Variants in ARHGAP12 observed in about 807,000 individuals in gnomAD.
ARHGAP12 encodes Rho GTPase activating protein 12.
A neutral mutation model predicts 108.6 loss-of-function variants in ARHGAP12; 64 were observed. The ratio of observed to expected loss-of-function variants is 0.59; its 90% CI spans 0.48 to 0.73. The LOEUF (loss-of-function observed/expected upper bound fraction) is 0.73. Among genes scored for constraint, ARHGAP12 ranks in the 30% least tolerant of loss-of-function variants. The pLI, the probability that ARHGAP12 is intolerant of heterozygous loss-of-function variation, is 0.00. For missense variants in ARHGAP12, 940 were observed against 1,005.9 expected, an observed-to-expected ratio of 0.93 and a Z score of 0.89; for synonymous variants, 312 against 337.2, an observed-to-expected ratio of 0.93 and a Z score of 0.82.
intron 12 of ARHGAP12, among the ~76,000 whole-genome samples, chr10:31,819,706 CA>C (rs977000500): frequency 1.3e-5 from 2 of 152,104 alleles, no homozygotes; most frequent in Non-Finnish European, 2.9e-5. Context: ...CAGCTGGCAC[CA>C]ATACTAGCCA....
intron 5 of ARHGAP12, among the ~76,000 whole-genome samples, chr10:31,853,856 A>C (rs773037655): frequency 1.3e-5 from 2 of 152,232 alleles, no homozygotes; most frequent in Non-Finnish European, 2.9e-5. Flanking sequence ...TTCCATGAGT[A>C]CAAGAGCATA....
chr10:31,907,603 T>C (rs912600761), intron 3 of ARHGAP12, among the ~76,000 whole-genome samples: 8 of 145,154 alleles, frequency 5.5e-5, no homozygotes, highest in Admixed American at 1.4e-4. Context: ...CACTGTATTA[T>C]AGCCTAGGCA....
intron 6 of ARHGAP12, among the ~76,000 whole-genome samples, chr10:31,846,933 T>C (rs1836483839): frequency 6.7e-6 from 1 of 149,930 alleles, no homozygotes; most frequent in Admixed American, 6.6e-5. Context: ...GGAAATCTAT[T>C]GTCTCTCCAT....
intron 3 of ARHGAP12, among the ~76,000 whole-genome samples, chr10:31,892,895 A>G (rs529304736): frequency 6.2e-4 from 94 of 152,306 alleles, no homozygotes; most frequent in Non-Finnish European, 1.2e-3. Flanking sequence ...ATTATAACAA[A>G]CTGTCTCTCA....
In ARHGAP12 at chr10:31,808,866, T is replaced by C. The variant is rs1026423086; in HGVS notation, c.2264-115A>G. The C allele has an allele frequency of 2.9e-6, 4 of 1,380,668 alleles. No individual in the cohort carries two copies. In the African/African-American group the frequency reaches 5.8e-5, roughly 20 times the overall value. 85.5% of individuals were successfully genotyped at this position (1,380,668 alleles called of 1,614,324 possible). ...CACAGTGACATCTGGTGGTCACATT[T>C]AAAATGTTTGGAGTAAAACAATCTG... On this transcript the variant is annotated intron_variant, in intron 18 of 19. Coordinates refer to ENST00000344936, the MANE Select transcript of ARHGAP12 (RefSeq NM_018287.7).
chr10:31,893,135 A>G (rs1340466253), intron 3 of ARHGAP12, among the ~76,000 whole-genome samples: 1 of 152,244 alleles, frequency 6.6e-6, no homozygotes, highest in Non-Finnish European at 1.5e-5. Context: ...CTAAATGCCC[A>G]CAAGAGAAAG....
intron 13 of ARHGAP12, among the ~76,000 whole-genome samples, chr10:31,816,243 G>C (rs1057472421): frequency 5.3e-5 from 8 of 149,654 alleles, no homozygotes; most frequent in Non-Finnish European, 1.0e-4. Flanking sequence ...CTTATTCCCT[G>C]AGCCTGTAGG....
At chr10:31,877,900 T>G (rs1415767368) in intron 3 of ARHGAP12, among the ~76,000 whole-genome samples, 1 of 152,098 alleles carries the variant, frequency 6.6e-6, no homozygotes, top group Non-Finnish European at 1.5e-5. Flanking sequence ...GAGACCAGCC[T>G]GGGGAACGTG....
At chr10:31,859,418 C>T (rs1162960290) in intron 4 of ARHGAP12, among the ~76,000 whole-genome samples, 4 of 152,194 alleles carry the variant, frequency 2.6e-5, no homozygotes, top group Non-Finnish European at 4.4e-5. Context: ...TCCTAGAATT[C>T]TATACCCAGG....
In ARHGAP12 at chr10:31,822,695, G is replaced by A. The variant is rs917424239; in HGVS notation, c.1531-2207C>T. ...TCCAAAATCCCCTAGCTTCCTCCTC[G>A]TGACCTGCTGAGTAGTATCTTCTGG... On this transcript the variant is annotated intron_variant, in intron 11 of 19. Coordinates refer to ENST00000344936, the MANE Select transcript of ARHGAP12 (RefSeq NM_018287.7). Among the ~76,000 whole-genome samples, 7 of 151,988 alleles carry A rather than the reference G, an allele frequency of 4.6e-5. No individual in the cohort carries two copies. In the East Asian group the frequency reaches 1.2e-3, roughly 25 times the overall value.
chr10:31,901,220 A>AG (rs1838909308), intron 3 of ARHGAP12, among the ~76,000 whole-genome samples: 1 of 151,564 alleles, frequency 6.6e-6, no homozygotes, highest in African/African-American at 2.4e-5. Flanking sequence ...TCTCAAAAAA[A>AG]AAAAAAAGAG....
chr10:31,892,254 A>C (rs1038837836), intron 3 of ARHGAP12, among the ~76,000 whole-genome samples: 2 of 152,228 alleles, frequency 1.3e-5, no homozygotes, highest in South Asian at 4.1e-4. Context: ...AAATTCACAC[A>C]TAACAATATT....
At chr10:31,847,618 C>G (rs1836510754) in intron 6 of ARHGAP12, among the ~76,000 whole-genome samples, 1 of 152,066 alleles carries the variant, frequency 6.6e-6, no homozygotes, top group Non-Finnish European at 1.5e-5. Context: ...CTCCATAATC[C>G]TCTTCCCACA....
chr10:31,875,940 T>A (rs1432333499), intron 3 of ARHGAP12, among the ~76,000 whole-genome samples: 1 of 152,248 alleles, frequency 6.6e-6, no homozygotes. Context: ...TATTTGTCCT[T>A]TTGTGACTTA....
At chr10:31,886,027 T>C (rs1838175360) in intron 3 of ARHGAP12, among the ~76,000 whole-genome samples, 1 of 152,202 alleles carries the variant, frequency 6.6e-6, no homozygotes, top group South Asian at 2.1e-4. Context: ...ATCTTGACTG[T>C]TATAACAGAC....
intron 3 of ARHGAP12, among the ~76,000 whole-genome samples, chr10:31,871,735 GT>G (rs1172609176): frequency 4.6e-5 from 7 of 152,114 alleles, no homozygotes; most frequent in Non-Finnish European, 8.8e-5. Flanking sequence ...ACAACCACTG[GT>G]AAAGACTATC....
rs542259086 is a variant in ARHGAP12, at chr10:31,852,874, G to A, written c.1090-277C>T. 3.3e-5 allele frequency among the ~76,000 whole-genome samples: 5 copies of A among 151,590 alleles called. No individual in the cohort carries two copies. In the South Asian group the frequency reaches 1.0e-3, roughly 31 times the overall value. On this transcript the variant is annotated intron_variant, in intron 5 of 19. Coordinates refer to ENST00000344936, the MANE Select transcript of ARHGAP12 (RefSeq NM_018287.7). ...CCCGAGTAGCTGGGATTACAGGCAT[G>A]TGCCACCACGCCTGGCTAATTTTGT...
intron 11 of ARHGAP12, among the ~76,000 whole-genome samples, chr10:31,820,948 C>T (rs1219302275): frequency 1.3e-5 from 2 of 151,950 alleles, no homozygotes; most frequent in African/African-American, 4.8e-5. Flanking sequence ...GGAATTTATC[C>T]TAGACTACAC....
At chr10:31,831,169 T>C (rs1167941327) in intron 10 of ARHGAP12, among the ~76,000 whole-genome samples, 3 of 152,096 alleles carry the variant, frequency 2.0e-5, no homozygotes, top group Non-Finnish European at 4.4e-5. Flanking sequence ...AAATAAATAA[T>C]GGGGAAATAA....
Sources: gnomAD v4.1 joint callset for allele counts (sites outside exome capture counted in the v4.1 genomes callset) on GRCh38, gnomAD v4.1.1 for gene constraint, MANE v1.5 for transcripts, NCBI Gene and HGNC (gene_info 2026-07-23, HGNC 2026-07-21) for gene names.